Variants in MACF1 observed in about 807,000 individuals in gnomAD.
MACF1 encodes the protein microtubule actin crosslinking factor 1.
A neutral mutation model predicts 854.8 loss-of-function variants in MACF1; 193 were observed. The observed-to-expected ratio is 0.23, with a 90% CI of 0.20 to 0.25. MACF1 has a LOEUF of 0.25. Among genes scored for constraint, MACF1 ranks in the 10% least tolerant of loss-of-function variants. MACF1 has a pLI of 1.00. For synonymous variants in MACF1, 3,185 were observed against 3,226.7 expected (o/e 0.99, Z 0.44); for missense variants, 7,722 against 8,929.1 (o/e 0.86, Z 5.45).
intron 20 of MACF1, among the ~76,000 whole-genome samples, chr1:39,296,737 A>AG (rs1645909853): frequency 1.8e-5 from 1 of 55,368 alleles, no homozygotes; most frequent in Non-Finnish European, 3.9e-5. Flanking sequence ...ATAAAAAGAA[A>AG]GAAAGAAAGA....
At chr1:39,468,072 C>G (rs1488701254) in intron 95 of MACF1, 1 of 152,290 alleles carries the variant, frequency 6.6e-6, no homozygotes, top group Non-Finnish European at 1.5e-5. Context: ...GTGGTGTGAC[C>G]ATTAAAAGTG....
intron 43 of MACF1, among the ~76,000 whole-genome samples, chr1:39,351,889 A>G (rs1403668986): frequency 6.6e-6 from 1 of 152,084 alleles, no homozygotes; most frequent in Non-Finnish European, 1.5e-5. Flanking sequence ...TGCCTGGCCA[A>G]ATGACATATT....
Position 39,370,118 on chromosome 1 carries a change from G to A in MACF1, c.13027G>A (p.Gly4343Arg), listed in dbSNP as rs771449463. 10 of 1,613,966 alleles carry A rather than the reference G, an allele frequency of 6.2e-6. No individual in the cohort carries two copies. The highest frequency in any genetic ancestry group is 7.6e-6 in the Non-Finnish European group (9 of 1,179,972). ...TFQKWLKETE[G>R]SIPPTETSMS... Reference sequence around the variant, plus strand: ...CCAGAAATGGTTGAAAGAAACTGAAGGGAGTATTCCACCTACGGAAACTTC... The same window carrying A: ...CCAGAAATGGTTGAAAGAAACTGAAAGGAGTATTCCACCTACGGAAACTTC... Residue 4343 changes from glycine (G) to arginine (R), a missense_variant, in exon 51 of 101, where the codon GGG becomes AGG. Around this residue, in one of 15 missense-constraint regions of MACF1, gnomAD observed 2,807 missense variants for 3,235.8 expected, o/e 0.87. Transcript: ENST00000564288.
chr1:39,427,800 G>C (rs981464389), intron 62 of MACF1, among the ~76,000 whole-genome samples, 161 bp from the exon 63 acceptor site: 1 of 151,980 alleles, frequency 6.6e-6, no homozygotes, highest in East Asian at 1.9e-4. Context: ...GGCTACCACC[G>C]GAATAAACAG....
intron 38 of MACF1, among the ~76,000 whole-genome samples, chr1:39,338,911 AG>A (rs1260925757): frequency 6.6e-6 from 1 of 152,200 alleles, no homozygotes; most frequent in Non-Finnish European, 1.5e-5. Context: ...GCATCCAGAA[AG>A]CTTCTGATAC....
intron 14 of MACF1, among the ~76,000 whole-genome samples, chr1:39,286,284 G>A (rs1188743422): frequency 1.3e-5 from 2 of 152,032 alleles, no homozygotes; most frequent in Non-Finnish European, 2.9e-5. Context: ...AAAGTGCTGG[G>A]ATTATAGGCG....
At chr1:39,097,437 G>A (rs1641964729) in intron 2 of MACF1, among the ~76,000 whole-genome samples, 5 of 152,050 alleles carry the variant, frequency 3.3e-5, no homozygotes, top group Admixed American at 3.3e-4. Flanking sequence ...ACATCATGGC[G>A]GGAGGATAGC....
At chr1:39,421,808 C>G (rs911479763) in intron 58 of MACF1, among the ~76,000 whole-genome samples, 1 of 152,200 alleles carries the variant, frequency 6.6e-6, no homozygotes, top group Non-Finnish European at 1.5e-5. Flanking sequence ...GGCGCGGTGG[C>G]TCACGCCTGT....
intron 97 of MACF1, among the ~76,000 whole-genome samples, chr1:39,477,074 T>TACACACACAC (rs1247508229): frequency 4.8e-4 from 12 of 24,948 alleles, no homozygotes; most frequent in African/African-American, 9.3e-4. Flanking sequence ...TATATATATA[T>TACACACACAC]ATATATATAT....
chr1:39,206,477 T>C (rs1386494729), intron 1 of MACF1: 1 of 152,244 alleles, frequency 6.6e-6, no homozygotes, highest in Non-Finnish European at 1.5e-5. Context: ...AATTAGTTGT[T>C]AATATTTTTA....
intron 14 of MACF1, among the ~76,000 whole-genome samples, chr1:39,286,986 G>A (rs188625289): frequency 5.3e-5 from 8 of 151,392 alleles, no homozygotes; most frequent in African/African-American, 1.7e-4. Context: ...TTTGAGACAA[G>A]GTCTTGCTCT....
chr1:39,314,571 A>T (rs4431834), intron 26 of MACF1, among the ~76,000 whole-genome samples: 73 of 26,448 alleles, frequency 2.8e-3, no homozygotes, highest in Middle Eastern at 0.029. Flanking sequence ...TCTCTCTCTC[A>T]CACACACACA....
intron 2 of MACF1, among the ~76,000 whole-genome samples, chr1:39,123,698 C>T (rs113777982): frequency 1.5e-4 from 22 of 149,392 alleles, no homozygotes; most frequent in African/African-American, 5.2e-4. Flanking sequence ...TGCCACCATG[C>T]CCGGCTAATT....
chr1:39,176,397 G>A (rs986750585), intron 2 of MACF1, among the ~76,000 whole-genome samples: 50 of 151,942 alleles, frequency 3.3e-4, no homozygotes, highest in Middle Eastern at 3.4e-3. Flanking sequence ...AGTCATTTTC[G>A]TTATTCAAAA....
At chr1:39,329,835 G>A (rs563346043) in intron 36 of MACF1, among the ~76,000 whole-genome samples, 5 of 152,178 alleles carry the variant, frequency 3.3e-5, no homozygotes, top group South Asian at 2.1e-4. Context: ...TTTTGACAGC[G>A]TATATGCCTT....
At chr1:39,238,980 A>G (rs1644890509) in intron 2 of MACF1, among the ~76,000 whole-genome samples, 1 of 152,100 alleles carries the variant, frequency 6.6e-6, no homozygotes, top group Admixed American at 6.6e-5. Context: ...AGACCAACGT[A>G]AGGACAAAAC....
chr1:39,241,977 G>T (rs1360734456), intron 2 of MACF1, among the ~76,000 whole-genome samples: 1 of 152,206 alleles, frequency 6.6e-6, no homozygotes, highest in Non-Finnish European at 1.5e-5. Context: ...AAGCACGTAA[G>T]TGTAACTTAC....
chr1:39,317,174 G>A, intron 28 of MACF1, 40 bp from the exon 29 acceptor site: 1 of 1,590,510 alleles, frequency 6.3e-7, no homozygotes. Context: ...TTTTTAGCAT[G>A]GAAAGTATAC....
intron 79 of MACF1, among the ~76,000 whole-genome samples, chr1:39,444,122 T>C (rs1171603679): frequency 6.6e-6 from 1 of 152,144 alleles, no homozygotes. Context: ...GATCATGAGG[T>C]CAGGAGATCA....
Sources: allele counts gnomAD v4.1 joint callset (sites outside exome capture counted in the v4.1 genomes callset), GRCh38; gene constraint gnomAD v4.1.1; regional missense constraint gnomAD v4.1.1; transcripts MANE v1.5; gene names NCBI Gene and HGNC (gene_info 2026-07-23, HGNC 2026-07-21).